Variants in RIPOR3 observed in about 807,000 individuals in gnomAD.
RIPOR3 encodes the protein family with sequence similarity 65 member C.
In RIPOR3, 95 loss-of-function variants were observed where a neutral mutation model predicts 114.3. The ratio of observed to expected loss-of-function variants is 0.83; its 90% CI spans 0.70 to 0.99. RIPOR3 has a LOEUF of 0.99. Ranked by LOEUF, RIPOR3 falls within the 50% of genes least tolerant of loss-of-function variation. The probability of loss-of-function intolerance (pLI) is 0.00; values close to 1 mark genes in which losing one functional copy is unlikely to be tolerated. For missense variants in RIPOR3, 1,252 were observed against 1,266.9 expected (o/e 0.99, Z 0.18); for synonymous variants, 575 against 543.8 (o/e 1.06, Z -0.80).
At chr20:50,609,026 T>A in intron 8 of RIPOR3, 71 bp from the exon 9 acceptor site, 2 of 1,543,026 alleles carry the variant, frequency 1.3e-6, no homozygotes, top group Non-Finnish European at 1.8e-6. Flanking sequence ...AGGTCCTCTC[T>A]GGGGTTCCCC....
chr20:50,620,126 G>A lies in RIPOR3; in HGVS notation c.129C>T (p.Ser43=), dbSNP rs766676463. The change falls in exon 3 of 22, where the codon TCC becomes TCT. Residue 43 remains serine (S), a synonymous_variant. Coordinates refer to ENST00000327979, the MANE Select transcript of RIPOR3 (RefSeq NM_001290268.2). Reference sequence around the variant, plus strand: ...GCGATCTCACGGAGTTCCTGTTGATGGACTTTCTGTGAGAAGGGTTGGAGG... The same window carrying A: ...GCGATCTCACGGAGTTCCTGTTGATAGACTTTCTGTGAGAAGGGTTGGAGG... The part of the protein sequence containing the change: ...SSAQSRRIAK[S]INRNSVRSRM... 6.2e-7 allele frequency: 1 copy of A among 1,613,830 alleles called. No individual in the cohort carries two copies. Among genetic ancestry groups the A allele is most frequent in the East Asian group, 2.2e-5 (1 of 44,872 alleles).
rs1368880683 is a variant in RIPOR3 at position 50,609,565 on chromosome 20, C to T, written c.576+8G>A. 1.7e-5 allele frequency: 24 copies of T among 1,424,972 alleles called. No homozygotes were observed. The highest frequency in any genetic ancestry group is 6.1e-5 in the South Asian group (4 of 65,874). The allele number at this position is 1,424,972 out of a possible 1,614,324, so 88.3% of individuals were successfully genotyped here. A position where few individuals can be genotyped will look rare whatever the true frequency, so the allele number is the denominator to read the frequency against. On this transcript the variant is annotated splice_region_variant and intron_variant, in intron 7 of 21. Coordinates refer to ENST00000327979, the MANE Select transcript of RIPOR3 (RefSeq NM_001290268.2). ...CCCTGCTGCCCAGCCCAGCTTGGCCCGGCCCACCTCGGCGCACTCGTGCAG... is the reference window on the plus strand; with the variant it reads ...CCCTGCTGCCCAGCCCAGCTTGGCCTGGCCCACCTCGGCGCACTCGTGCAG...
chr20:50,638,313 G>A (rs192877953), intron 1 of RIPOR3, among the ~76,000 whole-genome samples: 1,570 of 152,322 alleles, frequency 0.01, 26 homozygotes, highest in African/African-American at 0.036. Context: ...GCAAAGGGAC[G>A]CCTCCTGACC....
At chr20:50,681,369 G>A (rs2086858268) in intron 1 of RIPOR3, among the ~76,000 whole-genome samples, 1 of 151,988 alleles carries the variant, frequency 6.6e-6, no homozygotes, top group Non-Finnish European at 1.5e-5. Flanking sequence ...CTGCTCAGAG[G>A]TATACAGTGA....
intron 1 of RIPOR3, among the ~76,000 whole-genome samples, chr20:50,654,831 A>C (rs1388505022): frequency 6.6e-6 from 1 of 152,094 alleles, no homozygotes; most frequent in Non-Finnish European, 1.5e-5. Flanking sequence ...CTGCAGCCTC[A>C]ACTTCCCAAA....
Position 50,602,243 on chromosome 20 carries a change from A to G in RIPOR3, c.1488T>C (p.Ser496=), listed in dbSNP as rs767938043. The G allele has an allele frequency of 6.2e-7, 1 of 1,613,806 alleles. No individual in the cohort carries two copies. Among genetic ancestry groups the G allele is most frequent in the Non-Finnish European group, 8.5e-7 (1 of 1,179,922 alleles). The change falls in exon 13 of 22, where the codon AGT becomes AGC. Residue 496 remains serine, a synonymous_variant. Transcript: ENST00000327979. This position sits in a 1 kb window ranked among gnomAD's most constrained non-coding sequence, Gnocchi z 4.3. ...CCCCTTCCTCGTGGCCGTTCTGGCT[A>G]CTCGAGGCTGTGCCGCTGTGGAACA... is the stretch of plus-strand genomic sequence containing the variant. The part of the protein sequence containing the change: ...GSLFHSGTAS[S]SQNGHEEGAT...
chr20:50,611,401 A>G (rs189199791), intron 4 of RIPOR3, among the ~76,000 whole-genome samples, 197 bp from the exon 5 acceptor site: 1 of 152,268 alleles, frequency 6.6e-6, no homozygotes, highest in Admixed American at 6.5e-5. Flanking sequence ...GATTAAACAC[A>G]TGCACGTGGG....
chr20:50,624,165 C>T (rs900882998), intron 2 of RIPOR3, among the ~76,000 whole-genome samples: 3 of 152,198 alleles, frequency 2.0e-5, no homozygotes, highest in Non-Finnish European at 4.4e-5. Context: ...TTAAGTGATG[C>T]TTTCCAAAGC....
intron 2 of RIPOR3, chr20:50,620,693 G>C: frequency 3.6e-6 from 1 of 277,822 alleles, no homozygotes; most frequent in Non-Finnish European, 6.7e-6. Flanking sequence ...AAGGAGCCTA[G>C]ATTTGAGGAT....
In RIPOR3 at chr20:50,615,175, G is replaced by T. The variant is rs1419578476; in HGVS notation, c.348+827C>A. ...TAAGTCGGTCTCTGCTAAGGGAGAG[G>T]CAAAAAACCAGAGCAGGTGAGCCTT... is the stretch of plus-strand genomic sequence containing the variant. On this transcript the variant is annotated intron_variant, in intron 4 of 21. Transcript: ENST00000327979. Among the ~76,000 whole-genome samples the T allele has an allele frequency of 2.1e-5, 3 of 145,454 alleles. No individual in the cohort carries two copies. In the Admixed American group the frequency reaches 2.1e-4, roughly 10 times the overall value.
intron 1 of RIPOR3, among the ~76,000 whole-genome samples, chr20:50,650,092 G>T (rs2085547835): frequency 6.6e-6 from 1 of 152,274 alleles, no homozygotes; most frequent in East Asian, 1.9e-4. Flanking sequence ...CAGGGTGACT[G>T]CATGGTAAGG....
chr20:50,636,628 C>A (rs2084996805), intron 1 of RIPOR3: 1 of 985,508 alleles, frequency 1.0e-6, no homozygotes, highest in South Asian at 4.7e-5. Flanking sequence ...TCCCTCGCTG[C>A]CTCTCTCTGG....
intron 1 of RIPOR3, among the ~76,000 whole-genome samples, chr20:50,661,041 C>T (rs1175513905): frequency 1.3e-5 from 2 of 151,678 alleles, no homozygotes; most frequent in African/African-American, 2.4e-5. Context: ...AGTACAAGAC[C>T]AACCTGACCA....
chr20:50,669,066 A>G (rs1289034014), intron 1 of RIPOR3, among the ~76,000 whole-genome samples: 12 of 151,968 alleles, frequency 7.9e-5, no homozygotes, highest in Non-Finnish European at 1.5e-4. Flanking sequence ...ACTCACATAT[A>G]CATTATACAC....
chr20:50,600,050 G>A (rs138782575), intron 13 of RIPOR3, among the ~76,000 whole-genome samples: 101 of 152,196 alleles, frequency 6.6e-4, no homozygotes, highest in African/African-American at 2.4e-3. Context: ...ACAGGTGCAC[G>A]CTACCATGCT....
chr20:50,631,735 G>A (rs1203068211), intron 1 of RIPOR3, among the ~76,000 whole-genome samples: 2 of 152,212 alleles, frequency 1.3e-5, no homozygotes, highest in Non-Finnish European at 2.9e-5. Context: ...GGCCAACCCC[G>A]AGCCCTGGCT....
intron 18 of RIPOR3, 84 bp from the exon 19 acceptor site, chr20:50,592,630 T>C: frequency 4.1e-6 from 5 of 1,229,140 alleles, no homozygotes; most frequent in Non-Finnish European, 5.4e-6. Context: ...CTGCTGCCAG[T>C]AGCCACAGAG....
intron 1 of RIPOR3, among the ~76,000 whole-genome samples, chr20:50,657,201 A>G (rs2085841563): frequency 6.6e-6 from 1 of 152,232 alleles, no homozygotes; most frequent in Non-Finnish European, 1.5e-5. Flanking sequence ...AGCCTTGGCA[A>G]CATAGTGAGA....
chr20:50,593,699 G>A (rs1207679675), intron 17 of RIPOR3, among the ~76,000 whole-genome samples: 1 of 152,126 alleles, frequency 6.6e-6, no homozygotes, highest in Non-Finnish European at 1.5e-5. Context: ...GTCAGACCGT[G>A]TTGGGTTCAT....
Sources: gnomAD v4.1 joint callset for allele counts (sites outside exome capture counted in the v4.1 genomes callset) on GRCh38, gnomAD v4.1.1 for gene constraint, Gnocchi (gnomAD v3.1) non-coding constraint, MANE v1.5 for transcripts, NCBI Gene and HGNC (gene_info 2026-07-23, HGNC 2026-07-21) for gene names.